The following CACNA1A variants were observed in gnomAD, a reference collection of about 807,000 sequenced individuals.
CACNA1A encodes the protein calcium voltage-gated channel subunit alpha1 A, also known as voltage-dependent P/Q-type calcium channel subunit alpha-1A.
Under a neutral mutation model 262.4 loss-of-function variants are expected in CACNA1A, and 57 were observed. That is an observed-to-expected ratio of 0.22 (90% confidence interval 0.18 to 0.27). The LOEUF (loss-of-function observed/expected upper bound fraction) is 0.27. Among genes scored for constraint, CACNA1A ranks in the 10% least tolerant of loss-of-function variants. The pLI, the probability that CACNA1A is intolerant of heterozygous loss-of-function variation, is 1.00. For synonymous variants in CACNA1A, 1,431 were observed against 1,419.3 expected, an observed-to-expected ratio of 1.01 and a Z score of -0.18; for missense variants, 2,526 against 3,562.8, an observed-to-expected ratio of 0.71 and a Z score of 7.41.
intron 10 of CACNA1A, among the ~76,000 whole-genome samples, chr19:13,321,377 G>A (rs1225392323): frequency 2.6e-5 from 4 of 152,126 alleles, no homozygotes; most frequent in South Asian, 2.1e-4. Flanking sequence ...GTATGTCACC[G>A]CCAAGGATTC....
intron 6 of CACNA1A, among the ~76,000 whole-genome samples, chr19:13,336,594 G>GGAGAGAGAGGGAGAGAGGGAGA (rs1555768093): frequency 1.1e-4 from 7 of 65,494 alleles, no homozygotes; most frequent in Non-Finnish European, 1.9e-4. Flanking sequence ...AGAGAGAGAG[G>GGAGAGAGAGGGAGAGAGGGAGA]GAGAGAGAGA....
At chr19:13,474,002 G>A (rs1978305339) in intron 1 of CACNA1A, among the ~76,000 whole-genome samples, 1 of 152,122 alleles carries the variant, frequency 6.6e-6, no homozygotes, top group Non-Finnish European at 1.5e-5. Flanking sequence ...TCCATCACTG[G>A]TTCTGCCATC....
At chr19:13,357,092 C>T (rs1369133343) in intron 6 of CACNA1A, among the ~76,000 whole-genome samples, 1 of 152,184 alleles carries the variant, frequency 6.6e-6, no homozygotes, top group Non-Finnish European at 1.5e-5. Flanking sequence ...GTTCATGTGG[C>T]TCCTTTTGCT....
intron 19 of CACNA1A, among the ~76,000 whole-genome samples, chr19:13,296,256 T>G (rs1252799672): frequency 6.6e-6 from 1 of 152,170 alleles, no homozygotes; most frequent in Non-Finnish European, 1.5e-5. Flanking sequence ...CACATACACA[T>G]TAGATTTTGA....
intron 26 of CACNA1A, chr19:13,260,024 G>A (rs559718331): frequency 4.0e-6 from 1 of 251,474 alleles, no homozygotes; most frequent in East Asian, 9.1e-5. Context: ...GGGTGGGGTG[G>A]AGGGAGTTTA....
At chr19:13,351,006 G>A (rs1396873693) in intron 6 of CACNA1A, among the ~76,000 whole-genome samples, 2 of 152,122 alleles carry the variant, frequency 1.3e-5, no homozygotes, top group Admixed American at 1.3e-4. Context: ...AAAAAACTGG[G>A]ATTAGGAGTT....
chr19:13,464,724 A>AT (rs899454646), intron 1 of CACNA1A, among the ~76,000 whole-genome samples: 6 of 150,218 alleles, frequency 4.0e-5, no homozygotes, highest in African/African-American at 1.5e-4. Flanking sequence ...AATTTTTAGT[A>AT]TTTTTAGTAG....
intron 1 of CACNA1A, among the ~76,000 whole-genome samples, chr19:13,480,867 T>C (rs987459677): frequency 6.6e-6 from 1 of 152,208 alleles, no homozygotes; most frequent in African/African-American, 2.4e-5. Flanking sequence ...GGGCTAAGCT[T>C]TTCTGCCTAT....
At chr19:13,457,894 T>C (rs955359406) in intron 1 of CACNA1A, among the ~76,000 whole-genome samples, 1 of 147,370 alleles carries the variant, frequency 6.8e-6, no homozygotes, top group Non-Finnish European at 1.5e-5. Flanking sequence ...TGATACATGA[T>C]AGAACAGGAA....
chr19:13,306,058 TC>T (rs1479397146), intron 15 of CACNA1A, among the ~76,000 whole-genome samples: 1 of 76,772 alleles, frequency 1.3e-5, no homozygotes, highest in East Asian at 1.8e-3. Context: ...AGACTCCATC[TC>T]AAAAAAAAAA....
chr19:13,229,942 T>G, intron 36 of CACNA1A, 140 bp downstream of exon 36: 1 of 932,570 alleles, frequency 1.1e-6, no homozygotes, highest in Non-Finnish European at 1.6e-6. Flanking sequence ...TCTTATATCT[T>G]CTCTCCTGAC....
intron 7 of CACNA1A, 60 bp from the exon 8 acceptor site, chr19:13,334,553 GTGTGTGTT>G (rs749617931): frequency 0.037 from 19,374 of 526,742 alleles, 569 homozygotes; most frequent in South Asian, 0.053. Context: ...AAACGTTTGT[GTGTGTGTT>G]TGTGTGTGTG....
At chr19:13,439,212 C>T (rs1389353581) in intron 3 of CACNA1A, among the ~76,000 whole-genome samples, 1 of 150,916 alleles carries the variant, frequency 6.6e-6, no homozygotes, top group Non-Finnish European at 1.5e-5. Context: ...AGGTTCACGC[C>T]ATTCTCCTTC....
At chr19:13,208,133 A>T (rs1300984244) in intron 46 of CACNA1A, 80 bp from the exon 47 acceptor site, 3 of 603,110 alleles carry the variant, frequency 5.0e-6, no homozygotes, top group East Asian at 1.7e-4. Flanking sequence ...GGAGGAAGAG[A>T]GGGGAGCGAA....
At chr19:13,392,285 G>A (rs2059724368) in intron 3 of CACNA1A, among the ~76,000 whole-genome samples, 1 of 152,194 alleles carries the variant, frequency 6.6e-6, no homozygotes, top group South Asian at 2.1e-4. Flanking sequence ...TGCATTCACA[G>A]TCATGAGTGT....
chr19:13,336,594 G>GGAGGGAGAGAGAGA (rs1555768095), intron 6 of CACNA1A, among the ~76,000 whole-genome samples: 6 of 65,494 alleles, frequency 9.2e-5, no homozygotes, highest in African/African-American at 3.1e-4. Flanking sequence ...AGAGAGAGAG[G>GGAGGGAGAGAGAGA]GAGAGAGAGA....
chr19:13,289,039 T>C lies in CACNA1A; in HGVS notation c.3090-2073A>G, dbSNP rs928753024. Among the ~76,000 whole-genome samples the C allele has an allele frequency of 3.9e-5, 6 of 152,094 alleles. No homozygotes were observed. In the South Asian group the frequency reaches 6.2e-4, roughly 16 times the overall value. On this transcript the variant is annotated intron_variant, in intron 19 of 46. Transcript: ENST00000360228. Reference sequence around the variant, plus strand: ...TTTCTCTGAGACTGCACAGGGGAAATAGACAGGTCCAAGCAACTTTCTGCC... The same window carrying C: ...TTTCTCTGAGACTGCACAGGGGAAACAGACAGGTCCAAGCAACTTTCTGCC...
chr19:13,217,445 G>T (rs2055056555), intron 38 of CACNA1A, among the ~76,000 whole-genome samples: 1 of 152,180 alleles, frequency 6.6e-6, no homozygotes, highest in South Asian at 2.1e-4. Flanking sequence ...ATGTTCTCCT[G>T]AGACCCGCAT....
intron 3 of CACNA1A, among the ~76,000 whole-genome samples, chr19:13,425,392 C>G (rs1266793756): frequency 6.6e-6 from 1 of 152,074 alleles, no homozygotes; most frequent in African/African-American, 2.4e-5. Flanking sequence ...GGGGCAAAGT[C>G]CAGGGTACAC....
Sources: allele counts gnomAD v4.1 joint callset (sites outside exome capture counted in the v4.1 genomes callset), GRCh38; gene constraint gnomAD v4.1.1; transcripts MANE v1.5; gene names NCBI Gene and HGNC (gene_info 2026-07-23, HGNC 2026-07-21).